PUM2: variants seen among roughly 807,000 people sequenced by gnomAD.
The protein encoded by PUM2 is pumilio homolog 2.
In PUM2, 57 loss-of-function variants were observed where a neutral mutation model predicts 124.5. That is an observed-to-expected ratio of 0.46 (90% CI 0.37 to 0.57). The LOEUF (loss-of-function observed/expected upper bound fraction) is 0.57, where lower values mean the gene tolerates loss of function less well. Ranked by LOEUF, PUM2 falls within the 20% of genes least tolerant of loss-of-function variation. The pLI, the probability that PUM2 is intolerant of heterozygous loss-of-function variation, is 0.00. For missense variants in PUM2, 1,065 were observed against 1,290.6 expected (o/e 0.83, Z 2.68); for synonymous variants, 460 against 446.1 (o/e 1.03, Z -0.39).
chr2:20,270,697 T>C (rs527966503), intron 13 of PUM2, among the ~76,000 whole-genome samples: 1 of 152,304 alleles, frequency 6.6e-6, no homozygotes, highest in African/African-American at 2.4e-5. Flanking sequence ...AATATAGTAA[T>C]CTATGTAGGA....
chr2:20,309,339 T>C (rs1268732972), intron 5 of PUM2, among the ~76,000 whole-genome samples: 1 of 151,112 alleles, frequency 6.6e-6, no homozygotes, highest in African/African-American at 2.4e-5. Flanking sequence ...TTATACCAAA[T>C]AGTTCAGCTG....
chr2:20,263,463 A>G lies in PUM2; in HGVS notation c.1958-3T>C. On this transcript the variant is annotated splice_polypyrimidine_tract_variant and splice_region_variant and intron_variant, in intron 13 of 20. Transcript: ENST00000361078. ...ACCACTACCATTTGTCAGTCCTCCT[A>G]CAACAAAGCAGCTATGGTCAGCAAG... 6.3e-7 allele frequency: 1 copy of G among 1,592,650 alleles called. No individual in the cohort carries two copies. The highest frequency in any genetic ancestry group is 1.1e-5 in the South Asian group (1 of 89,448).
intron 12 of PUM2, among the ~76,000 whole-genome samples, chr2:20,280,856 A>T (rs1325099309): frequency 1.3e-5 from 2 of 152,196 alleles, no homozygotes; most frequent in Non-Finnish European, 2.9e-5. Flanking sequence ...ACTTTAAAAA[A>T]TAACAGGTCA....
chr2:20,296,145 T>C (rs774062412), intron 8 of PUM2, among the ~76,000 whole-genome samples: 1 of 152,242 alleles, frequency 6.6e-6, no homozygotes, highest in Non-Finnish European at 1.5e-5. Context: ...GTAGCTAAGA[T>C]ATCAAATATA....
At chr2:20,319,832 C>G (rs1255236813) in intron 2 of PUM2, among the ~76,000 whole-genome samples, 1 of 152,122 alleles carries the variant, frequency 6.6e-6, no homozygotes, top group African/African-American at 2.4e-5. Flanking sequence ...ACTGAAGCAA[C>G]AGGGAATAGA....
chr2:20,254,916 A>G lies in PUM2; in HGVS notation c.2817T>C (p.Ile939=). 6.2e-7 allele frequency: 1 copy of G among 1,614,064 alleles called. No individual in the cohort carries two copies. Among genetic ancestry groups the G allele is most frequent in the East Asian group, 2.2e-5 (1 of 44,850 alleles). ...AAACCTTTCCCCTGATTTCGGAAAC[A>G]ATTTTGCTCTTGTCTTCAGGTCGAC... ...EHGRPEDKSK[I]VSEIRGKVLA... Residue 939 remains isoleucine (I), a synonymous_variant, in exon 19 of 21, where the codon ATT becomes ATC. Transcript: ENST00000361078.
At position 20,250,010 on chromosome 2, in the gene PUM2, A is replaced by T. The variant is rs2148334195; in HGVS notation, c.*1575T>A. On this transcript the variant is annotated 3_prime_UTR_variant, in exon 21 of 21. Coordinates refer to ENST00000361078, the MANE Select transcript of PUM2 (RefSeq NM_015317.5). ...CAGAGGAAAAAATGTTATCATACAG[A>T]TTTGCTCTTACTTGGGAGTAGGCTA... 6.5e-6 allele frequency: 1 copy of T among 152,730 alleles called. No individual in the cohort carries two copies. The highest frequency in any genetic ancestry group is 2.1e-4 in the South Asian group (1 of 4,826). The allele number at this position is 152,730 out of a possible 1,614,324, so 9.5% of individuals were successfully genotyped here. A position where few individuals can be genotyped will look rare whatever the true frequency, so the allele number is the denominator to read the frequency against.
At chr2:20,348,221 C>A (rs575889212) in intron 1 of PUM2, among the ~76,000 whole-genome samples, 14 of 151,888 alleles carry the variant, frequency 9.2e-5, no homozygotes, top group Non-Finnish European at 1.8e-4. Context: ...TAATATGCCA[C>A]AGACCAATTT....
chr2:20,258,508 G>T, intron 15 of PUM2, 137 bp from the exon 16 acceptor site: 1 of 693,788 alleles, frequency 1.4e-6, no homozygotes, highest in Non-Finnish European at 2.2e-6. Context: ...AGCTAATTAA[G>T]ATAGACTGGG....
chr2:20,253,637 G>A (rs1300384532), intron 20 of PUM2, among the ~76,000 whole-genome samples, 185 bp downstream of exon 20: 3 of 151,834 alleles, frequency 2.0e-5, no homozygotes, highest in Admixed American at 2.0e-4. Flanking sequence ...AAGCCCCCAT[G>A]CCTGGCCATG....
At chr2:20,300,316 A>G (rs929357095) in intron 7 of PUM2, among the ~76,000 whole-genome samples, 2 of 151,906 alleles carry the variant, frequency 1.3e-5, no homozygotes, top group Non-Finnish European at 2.9e-5. Context: ...CGCCTGGCTA[A>G]TTTTGTATTT....
intron 1 of PUM2, among the ~76,000 whole-genome samples, chr2:20,331,503 T>C (rs531376270): frequency 5.3e-5 from 8 of 151,514 alleles, no homozygotes; most frequent in Admixed American, 1.3e-4. Context: ...AAGAGAAAAA[T>C]TATGCAGAGA....
At chr2:20,288,108 T>C (rs1455461396) in intron 10 of PUM2, among the ~76,000 whole-genome samples, 8 of 152,120 alleles carry the variant, frequency 5.3e-5, no homozygotes, top group Admixed American at 5.2e-4. Flanking sequence ...AAACGAAAAT[T>C]CAAAAAGGAA....
chr2:20,346,527 T>C (rs1688274481), intron 1 of PUM2, among the ~76,000 whole-genome samples: 1 of 152,154 alleles, frequency 6.6e-6, no homozygotes, highest in Non-Finnish European at 1.5e-5. Context: ...ATAAGACCAA[T>C]TGCATCTTTC....
intron 1 of PUM2, among the ~76,000 whole-genome samples, chr2:20,342,802 T>A (rs138231052): frequency 6.6e-6 from 1 of 152,220 alleles, no homozygotes; most frequent in African/African-American, 2.4e-5. Flanking sequence ...AAGCTTTGAA[T>A]TGGTTAACTT....
chr2:20,286,993 A>T (rs1250297605), intron 10 of PUM2, among the ~76,000 whole-genome samples: 1 of 148,916 alleles, frequency 6.7e-6, no homozygotes, highest in Non-Finnish European at 1.5e-5. Flanking sequence ...TGGGAAAAGG[A>T]AAAAAAAACG....
chr2:20,309,683 T>C (rs770502419), intron 5 of PUM2, among the ~76,000 whole-genome samples: 2 of 152,170 alleles, frequency 1.3e-5, no homozygotes, highest in Non-Finnish European at 1.5e-5. Flanking sequence ...ATATTCAAAC[T>C]TGAGTACATT....
At chr2:20,274,974 A>AAAAAAAAAAAAAAAAAAAAAAAAT in intron 13 of PUM2, among the ~76,000 whole-genome samples, 1 of 147,932 alleles carries the variant, frequency 6.8e-6, no homozygotes, top group Non-Finnish European at 1.5e-5. Flanking sequence ...AAAAAAAAAA[A>AAAAAAAAAAAAAAAAAAAAAAAAT]GATGCTTACT....
At chr2:20,331,724 G>A (rs1446707775) in intron 1 of PUM2, 1 of 150,932 alleles carries the variant, frequency 6.6e-6, no homozygotes, top group African/African-American at 2.4e-5. Flanking sequence ...TACCTTTTTT[G>A]CTTACTTTCA....
Sources: gnomAD v4.1 joint callset for allele counts (sites outside exome capture counted in the v4.1 genomes callset) on GRCh38, gnomAD v4.1.1 for gene constraint, MANE v1.5 for transcripts, NCBI Gene and HGNC (gene_info 2026-07-23, HGNC 2026-07-21) for gene names.